The following HERC4 variants were observed in gnomAD, a reference collection of about 807,000 sequenced individuals.
HERC4 encodes HECT and RLD domain containing E3 ubiquitin protein ligase 4.
In HERC4, 28 loss-of-function variants were observed where a neutral mutation model predicts 124.3. The ratio of observed to expected loss-of-function variants is 0.23; its 90% confidence interval spans 0.17 to 0.31. HERC4 has a LOEUF of 0.31. Ranked by LOEUF, HERC4 falls within the 10% of genes least tolerant of loss-of-function variation. The probability of loss-of-function intolerance (pLI) is 1.00; values close to 1 mark genes in which losing one functional copy is unlikely to be tolerated. For missense variants in HERC4, 713 were observed against 1,229.3 expected, an observed-to-expected ratio of 0.58 and a Z score of 6.28; for synonymous variants, 407 against 421.5, an observed-to-expected ratio of 0.97 and a Z score of 0.42.
At chr10:68,054,720 G>C (rs1324442030) in intron 3 of HERC4, among the ~76,000 whole-genome samples, 1 of 151,940 alleles carries the variant, frequency 6.6e-6, no homozygotes, top group Non-Finnish European at 1.5e-5. Flanking sequence ...GAGTAATTCA[G>C]ATTTAAATAT....
rs530549171 is a variant in HERC4 at position 68,063,781 on chromosome 10, T to C, written c.226+9102A>G. Reference sequence around the variant, plus strand: ...GGCAAAACCCCGTCTCTACTAAAAATACAAAAAATTAGCAGGGCATGTTGA... The same window carrying C: ...GGCAAAACCCCGTCTCTACTAAAAACACAAAAAATTAGCAGGGCATGTTGA... On this transcript the variant is annotated intron_variant, in intron 3 of 24. Coordinates refer to ENST00000373700, the MANE Select transcript of HERC4 (RefSeq NM_015601.4). 6.7e-4 allele frequency among the ~76,000 whole-genome samples: 102 copies of C among 151,134 alleles called. 1 individual carries two copies. In the South Asian group the frequency reaches 0.021, roughly 31 times the overall value.
At position 67,981,698 on chromosome 10, in the gene HERC4, G is replaced by C. The variant is rs370064791; in HGVS notation, c.1806+6965C>G. Among the ~76,000 whole-genome samples, 27 of 152,164 alleles carry C rather than the reference G, an allele frequency of 1.8e-4. No homozygotes were observed. The East Asian group carries it at 2.9e-3, about 16-fold the overall frequency. On this transcript the variant is annotated intron_variant, in intron 15 of 24. Transcript: ENST00000373700. ...TAGGCCAGGCATGGTGGTTCACACC[G>C]GGTAATCCCAGCACTTTGGGAGGCC... is the stretch of plus-strand genomic sequence containing the variant.
At chr10:67,929,421 A>G (rs1216025184) in intron 23 of HERC4, among the ~76,000 whole-genome samples, 1 of 152,210 alleles carries the variant, frequency 6.6e-6, no homozygotes, top group Non-Finnish European at 1.5e-5. Flanking sequence ...CTTTTCAAGA[A>G]TGTCACATAA....
intron 3 of HERC4, among the ~76,000 whole-genome samples, chr10:68,053,057 T>C (rs1220369836): frequency 2.0e-5 from 3 of 152,192 alleles, no homozygotes; most frequent in African/African-American, 7.2e-5. Flanking sequence ...ACATCATTCT[T>C]CCACTTATTA....
At chr10:68,069,619 T>C (rs913577414) in intron 3 of HERC4, 1 of 985,236 alleles carries the variant, frequency 1.0e-6, no homozygotes, top group Non-Finnish European at 1.2e-6. Flanking sequence ...AATTTATCCT[T>C]AATAAGGCTA....
At chr10:68,020,877 C>T (rs546059953) in intron 8 of HERC4, among the ~76,000 whole-genome samples, 1 of 150,466 alleles carries the variant, frequency 6.6e-6, no homozygotes, top group South Asian at 2.1e-4. Flanking sequence ...AATCAGCAAA[C>T]GTAAAGATAG....
intron 9 of HERC4, among the ~76,000 whole-genome samples, chr10:68,013,252 A>C (rs914269200): frequency 6.6e-6 from 1 of 152,232 alleles, no homozygotes; most frequent in African/African-American, 2.4e-5. Flanking sequence ...TATAGTATAA[A>C]TATAACTTTT....
Position 68,014,152 on chromosome 10 carries a change from G to T in HERC4, c.943C>A (p.Arg315=). Residue 315 remains arginine (R), a synonymous_variant, in exon 9 of 25, where the codon CGA becomes AGA. Transcript: ENST00000373700. ...HTSAFVPSSG[R]IYSFGLGGNG... is the part of the protein sequence containing the mutation. ...CCACCAAGCCCAAAAGAGTAAATTC[G>T]TCCTGATGAAGGAACAAAAGCAGAA... 6.2e-7 allele frequency: 1 copy of T among 1,612,346 alleles called. No individual in the cohort carries two copies. Among genetic ancestry groups the T allele is most frequent in the East Asian group, 2.2e-5 (1 of 44,846 alleles).
In HERC4 at chr10:68,059,564, A is replaced by AATATTATATATC. The variant is rs1318295218; in HGVS notation, c.226+13307_226+13318dup. Among the ~76,000 whole-genome samples the AATATTATATATC allele has an allele frequency of 1.1e-4, 8 of 75,884 alleles. 1 individual carries two copies. The highest frequency in any genetic ancestry group is 3.1e-4 in the African/African-American group (4 of 12,782). The allele number at this position is 75,884 out of a possible 152,430, so 49.8% of individuals were successfully genotyped here. A position where few individuals can be genotyped will look rare whatever the true frequency, so the allele number is the denominator to read the frequency against. On this transcript the variant is annotated intron_variant, in intron 3 of 24. Coordinates refer to ENST00000373700, the MANE Select transcript of HERC4 (RefSeq NM_015601.4). Reference sequence around the variant, plus strand: ...TATTATATATCATAATATATATCATAATATTATATATCATATTATATATCA... The same window carrying AATATTATATATC: ...TATTATATATCATAATATATATCATAATATTATATATCATATTATATATCATATTATATATCA...
In HERC4 at chr10:67,932,745, A is replaced by T; in HGVS notation, c.2690T>A (p.Phe897Tyr). The T allele has an allele frequency of 6.2e-7, 1 of 1,604,802 alleles. No homozygotes were observed. ...EFVDAYVDYI[F>Y]NKSVASLFDA... is the part of the protein sequence containing the mutation. ...AAATAAGGAAGCCACTGATTTATTG[A>T]ATATGTAATCCACATAAGCATCGAC... The change falls in exon 23 of 25, where the codon TTC becomes TAC. Residue 897 changes from phenylalanine to tyrosine, a missense_variant. Transcript: ENST00000373700.
intron 8 of HERC4, among the ~76,000 whole-genome samples, chr10:68,016,543 G>C (rs1468293085): frequency 6.6e-6 from 1 of 151,986 alleles, no homozygotes; most frequent in Non-Finnish European, 1.5e-5. Context: ...AGTAGAGATG[G>C]GGTTTCACCA....
rs1331899208 is a variant in HERC4, at chr10:68,059,638, T to G, written c.226+13245A>C. On this transcript the variant is annotated intron_variant, in intron 3 of 24. Transcript: ENST00000373700. ...ATCATAATATTATATATCATAATAT[T>G]ATATATTATATTATATATCATATTA... 9.6e-5 allele frequency among the ~76,000 whole-genome samples: 8 copies of G among 82,970 alleles called. 1 individual carries two copies. The highest frequency in any genetic ancestry group is 4.0e-4 in the African/African-American group (6 of 14,980). 54.4% of individuals were successfully genotyped at this position (82,970 alleles called of 152,430 possible).
At chr10:67,946,098 T>C (rs1430129248) in intron 19 of HERC4, among the ~76,000 whole-genome samples, 3 of 151,354 alleles carry the variant, frequency 2.0e-5, no homozygotes, top group African/African-American at 7.3e-5. Flanking sequence ...ATACAAAATA[T>C]AAAAATTGGC....
intron 3 of HERC4, among the ~76,000 whole-genome samples, chr10:68,059,525 AATATTATATAT>A (rs2040757876): frequency 9.1e-6 from 1 of 110,106 alleles, no homozygotes; most frequent in Non-Finnish European, 1.9e-5. Context: ...ATATCATAAT[AATATTATATAT>A]CATATTATAT....
At chr10:68,029,612 T>C (rs1423440411) in intron 7 of HERC4, among the ~76,000 whole-genome samples, 2 of 151,322 alleles carry the variant, frequency 1.3e-5, no homozygotes, top group African/African-American at 4.8e-5. Flanking sequence ...AAAATAATTA[T>C]TTCTGGTGTA....
chr10:68,011,481 T>C, intron 9 of HERC4, among the ~76,000 whole-genome samples: 1 of 152,238 alleles, frequency 6.6e-6, no homozygotes, highest in Non-Finnish European at 1.5e-5. Flanking sequence ...GCAGAATGGA[T>C]GTTGTATTAG....
intron 3 of HERC4, among the ~76,000 whole-genome samples, chr10:68,059,504 T>TATA (rs1312815470): frequency 9.3e-6 from 1 of 107,948 alleles, no homozygotes; most frequent in African/African-American, 3.5e-5. Context: ...CATTATATAT[T>TATA]ATAATATTAT....
intron 8 of HERC4, 142 bp from the exon 9 acceptor site, chr10:68,014,328 C>A (rs1406854586): frequency 4.2e-6 from 3 of 715,974 alleles, no homozygotes; most frequent in African/African-American, 3.6e-5. Context: ...AGCTTCTGTA[C>A]AAATATTCAT....
intron 7 of HERC4, among the ~76,000 whole-genome samples, chr10:68,028,734 C>T (rs1564566724): frequency 6.6e-6 from 1 of 152,182 alleles, no homozygotes; most frequent in African/African-American, 2.4e-5. Context: ...AAGTAAAGAT[C>T]ACAAGGTTTT....
Sources: gnomAD v4.1 joint callset for allele counts (sites outside exome capture counted in the v4.1 genomes callset) on GRCh38, gnomAD v4.1.1 for gene constraint, MANE v1.5 for transcripts, NCBI Gene and HGNC (gene_info 2026-07-23, HGNC 2026-07-21) for gene names.